The following MRAP2 variants were observed in gnomAD, a reference collection of about 807,000 sequenced individuals.
MRAP2 encodes melanocortin-2 receptor accessory protein 2.
MRAP2 carries 20 observed loss-of-function variants against 17.4 expected under a neutral mutation model. The observed-to-expected ratio is 1.15, with a 90% confidence interval of 0.81 to 1.67. The LOEUF is 1.67. Among genes scored for constraint, MRAP2 ranks in the 40% most tolerant of loss-of-function variants. The pLI is 0.00. For missense variants in MRAP2, 238 were observed against 240.0 expected, an observed-to-expected ratio of 0.99 and a Z score of 0.05; for synonymous variants, 96 against 88.4, an observed-to-expected ratio of 1.09 and a Z score of -0.48.
intron 1 of MRAP2, among the ~76,000 whole-genome samples, chr6:84,037,967 G>A (rs1372149720): frequency 1.3e-5 from 2 of 152,264 alleles, no homozygotes; most frequent in African/African-American, 2.4e-5. Context: ...GAGTGAGCGA[G>A]GGCTGCTAGC....
intron 3 of MRAP2, among the ~76,000 whole-genome samples, chr6:84,075,954 G>A (rs2099497488): frequency 1.3e-5 from 2 of 152,200 alleles, no homozygotes; most frequent in Non-Finnish European, 2.9e-5. Context: ...TGCAGATGTA[G>A]TGAGTGATTC....
At chr6:84,133,642 G>C in the MRAP2 span, among the ~76,000 whole-genome samples, 1 of 152,210 alleles carries the variant, frequency 6.6e-6, no homozygotes, top group Admixed American at 6.5e-5. Context: ...GCAAGGCTCT[G>C]TGGGCATTGG....
At chr6:84,125,077 T>G in the MRAP2 span, 2 of 1,610,634 alleles carry the variant, frequency 1.2e-6, no homozygotes, top group Non-Finnish European at 1.7e-6. Flanking sequence ...CTATTAATAC[T>G]CTGGTGCATT....
At chr6:84,087,993 TTTTG>T (rs1212066620) in intron 3 of MRAP2, among the ~76,000 whole-genome samples, 1 of 152,138 alleles carries the variant, frequency 6.6e-6, no homozygotes, top group Non-Finnish European at 1.5e-5. Flanking sequence ...CCTGTGTTTT[TTTTG>T]TTTTTGTTTT....
intron 1 of MRAP2, among the ~76,000 whole-genome samples, chr6:84,051,254 C>T (rs539788954): frequency 6.6e-6 from 1 of 152,154 alleles, no homozygotes; most frequent in Non-Finnish European, 1.5e-5. Flanking sequence ...TTGCTTGATC[C>T]ATTTTTAAGA....
intron 3 of MRAP2, among the ~76,000 whole-genome samples, chr6:84,086,728 CAG>C (rs982624886): frequency 6.6e-6 from 1 of 152,136 alleles, no homozygotes; most frequent in Non-Finnish European, 1.5e-5. Context: ...AGGGTAGCCT[CAG>C]GGGGCAGGAA....
chr6:84,135,405 G>A, the MRAP2 span, among the ~76,000 whole-genome samples: 1 of 152,192 alleles, frequency 6.6e-6, no homozygotes, highest in Non-Finnish European at 1.5e-5. Context: ...CTGGCAGGAG[G>A]TGGCTCAGGT....
At chr6:84,052,908 A>G (rs749921074) in intron 1 of MRAP2, 142 of 417,464 alleles carry the variant, frequency 3.4e-4, no homozygotes, top group Non-Finnish European at 4.0e-4. Flanking sequence ...TTAGTAATCC[A>G]TCCCTAAATA....
chr6:84,043,235 C>T (rs1333720519), intron 1 of MRAP2, among the ~76,000 whole-genome samples: 1 of 152,134 alleles, frequency 6.6e-6, no homozygotes, highest in Admixed American at 6.5e-5. Context: ...CTAGTCAGGC[C>T]GTTTTAGAAT....
intron 3 of MRAP2, among the ~76,000 whole-genome samples, chr6:84,086,306 G>C (rs984051860): frequency 3.9e-5 from 6 of 152,222 alleles, no homozygotes; most frequent in Non-Finnish European, 7.3e-5. Context: ...CCAGTTCCAG[G>C]TTGGACAGGC....
chr6:84,078,358 T>C (rs2099498129), intron 3 of MRAP2, among the ~76,000 whole-genome samples: 1 of 152,144 alleles, frequency 6.6e-6, no homozygotes, highest in Non-Finnish European at 1.5e-5. Flanking sequence ...GATAAACCAA[T>C]AGCCAATAAG....
At chr6:84,117,651 C>CTGTG in the MRAP2 span, among the ~76,000 whole-genome samples, 15,418 of 104,942 alleles carry the variant, frequency 0.15, 929 homozygotes, top group Middle Eastern at 0.17. Context: ...GGGTGTGTGT[C>CTGTG]TGTGTGTGTG....
At chr6:84,046,398 A>C (rs1302697891) in intron 1 of MRAP2, among the ~76,000 whole-genome samples, 1 of 152,074 alleles carries the variant, frequency 6.6e-6, no homozygotes, top group African/African-American at 2.4e-5. Context: ...CATGAGAAGG[A>C]CCTGAAAGCT....
chr6:84,124,835 G>C, the MRAP2 span: 1 of 508,580 alleles, frequency 2.0e-6, no homozygotes, highest in Non-Finnish European at 3.4e-6. Context: ...CTGCTATAAA[G>C]GAAACTGTCC....
chr6:84,096,067 G>T, the MRAP2 span, among the ~76,000 whole-genome samples: 7 of 152,230 alleles, frequency 4.6e-5, no homozygotes, highest in East Asian at 1.4e-3. Context: ...ACATTTCTAG[G>T]ATCTTTTCCA....
intron 3 of MRAP2, among the ~76,000 whole-genome samples, chr6:84,069,982 T>C (rs897590362): frequency 6.6e-6 from 1 of 152,182 alleles, no homozygotes; most frequent in Non-Finnish European, 1.5e-5. Flanking sequence ...TTTTCTCTCT[T>C]CTTTTCTTGG....
chr6:84,124,926 C>G, the MRAP2 span: 3 of 677,298 alleles, frequency 4.4e-6, no homozygotes, highest in African/African-American at 1.8e-5. Flanking sequence ...TGGTTAAAGG[C>G]AATTTATTTT....
At chr6:84,099,964 G>C in the MRAP2 span, among the ~76,000 whole-genome samples, 1 of 151,766 alleles carries the variant, frequency 6.6e-6, no homozygotes, top group Admixed American at 6.6e-5. Context: ...GGGTTCAAGC[G>C]ATTCTCCCGC....
intron 3 of MRAP2, among the ~76,000 whole-genome samples, chr6:84,065,173 T>G (rs930848517): frequency 6.6e-6 from 1 of 151,892 alleles, no homozygotes; most frequent in Non-Finnish European, 1.5e-5. Flanking sequence ...TAGTCCCAGC[T>G]ACTCAGGAGG....
Sources: gnomAD v4.1 joint callset for allele counts (sites outside exome capture counted in the v4.1 genomes callset) on GRCh38, gnomAD v4.1.1 for gene constraint, MANE v1.5 for transcripts, NCBI Gene and HGNC (gene_info 2026-07-23, HGNC 2026-07-21) for gene names.